Variants in RAPGEF2 observed in about 807,000 individuals in gnomAD.
The protein encoded by RAPGEF2 is PDZ domain containing guanine nucleotide exchange factor (GEF) 1.
RAPGEF2 carries 54 observed loss-of-function variants against 186.7 expected under a neutral mutation model. The ratio of observed to expected loss-of-function variants is 0.29; its 90% CI spans 0.23 to 0.36. The LOEUF is 0.36. Among genes scored for constraint, RAPGEF2 ranks in the 10% least tolerant of loss-of-function variants. RAPGEF2 has a pLI of 1.00. For missense variants in RAPGEF2, 1,532 were observed against 2,045.0 expected, an observed-to-expected ratio of 0.75 and a Z score of 4.84; for synonymous variants, 712 against 705.9, an observed-to-expected ratio of 1.01 and a Z score of -0.14.
chr4:159,280,073 G>A lies in RAPGEF2; in HGVS notation c.544-24269G>A, dbSNP rs75090090. 2.9e-4 allele frequency among the ~76,000 whole-genome samples: 44 copies of A among 152,196 alleles called. No individual in the cohort carries two copies. In the East Asian group the frequency reaches 7.7e-3, roughly 27 times the overall value. ...TTTCCCATCCATATGGTTCGCCAGAGGTCTTTCATGTTATCCTTTTTTTAG... is the reference window on the plus strand; with the variant it reads ...TTTCCCATCCATATGGTTCGCCAGAAGTCTTTCATGTTATCCTTTTTTTAG... On this transcript the variant is annotated intron_variant, in intron 7 of 29. Transcript: ENST00000691494.
intron 7 of RAPGEF2, among the ~76,000 whole-genome samples, chr4:159,296,146 G>GGTT (rs1201022351): frequency 4.6e-5 from 7 of 152,134 alleles, no homozygotes; most frequent in African/African-American, 7.2e-5. Context: ...AGTAAATGAT[G>GGTT]GTTGTTGTAA....
intron 4 of RAPGEF2, among the ~76,000 whole-genome samples, chr4:159,229,769 A>G (rs1210099436): frequency 6.6e-6 from 1 of 152,186 alleles, no homozygotes; most frequent in Non-Finnish European, 1.5e-5. Flanking sequence ...TTTAATGAGA[A>G]TGAAAGTCTG....
chr4:159,170,952 G>T (rs1369712334), intron 1 of RAPGEF2, among the ~76,000 whole-genome samples: 3 of 152,104 alleles, frequency 2.0e-5, no homozygotes, highest in African/African-American at 7.2e-5. Flanking sequence ...TTATTGAAGA[G>T]ACTCTTCTTT....
At chr4:159,223,117 G>T (rs1405767362) in intron 4 of RAPGEF2, among the ~76,000 whole-genome samples, 1 of 151,992 alleles carries the variant, frequency 6.6e-6, no homozygotes, top group Non-Finnish European at 1.5e-5. Context: ...ATGTCATGTG[G>T]TTTTTAAAAG....
At chr4:159,193,416 A>G (rs1748318473) in intron 3 of RAPGEF2, among the ~76,000 whole-genome samples, 160 bp downstream of exon 3, 1 of 152,218 alleles carries the variant, frequency 6.6e-6, no homozygotes, top group South Asian at 2.1e-4. Flanking sequence ...TCATAAAATA[A>G]AAGTTTACAG....
At chr4:159,349,609 G>T (rs1004398049) in intron 25 of RAPGEF2, among the ~76,000 whole-genome samples, 2 of 152,114 alleles carry the variant, frequency 1.3e-5, no homozygotes, top group African/African-American at 4.8e-5. Context: ...TAACTGCATG[G>T]AATTCCTTAG....
At chr4:159,330,679 T>G in intron 13 of RAPGEF2, 181 bp downstream of exon 13, 2 of 518,040 alleles carry the variant, frequency 3.9e-6, no homozygotes, top group South Asian at 6.0e-5. Context: ...TAGTTCAGCC[T>G]TAGAAATATG....
chr4:159,215,909 T>G (rs1157354944), intron 4 of RAPGEF2, among the ~76,000 whole-genome samples: 6 of 152,310 alleles, frequency 3.9e-5, no homozygotes, highest in East Asian at 3.9e-4. Flanking sequence ...AGGCTTCTCA[T>G]GCATGGACTC....
chr4:159,155,852 A>G (rs1160287355), intron 1 of RAPGEF2, among the ~76,000 whole-genome samples: 3 of 151,720 alleles, frequency 2.0e-5, no homozygotes, highest in Non-Finnish European at 4.4e-5. Flanking sequence ...ATTACATCTC[A>G]CAAATTTTGA....
intron 1 of RAPGEF2, among the ~76,000 whole-genome samples, chr4:159,121,688 A>T (rs1304918819): frequency 6.6e-6 from 1 of 151,848 alleles, no homozygotes; most frequent in Non-Finnish European, 1.5e-5. Flanking sequence ...ATTTTTGGAG[A>T]ATTGCCACAA....
chr4:159,314,529 C>T, intron 8 of RAPGEF2, 62 bp from the exon 9 acceptor site: 16 of 1,427,088 alleles, frequency 1.1e-5, no homozygotes, highest in Non-Finnish European at 1.5e-5. Flanking sequence ...GCTCTTGTTT[C>T]TTTGGGCCCC....
chr4:159,335,887 ATT>A (rs1042421973), intron 17 of RAPGEF2, among the ~76,000 whole-genome samples: 2 of 150,246 alleles, frequency 1.3e-5, no homozygotes, highest in African/African-American at 4.9e-5. Context: ...AGATGCTAAT[ATT>A]TGTAGCCTTT....
chr4:159,180,410 GC>G (rs1746890819), intron 1 of RAPGEF2, among the ~76,000 whole-genome samples: 1 of 151,996 alleles, frequency 6.6e-6, no homozygotes, highest in South Asian at 2.1e-4. Flanking sequence ...CTTATGTGTT[GC>G]CTGCCACTCC....
chr4:159,358,213 C>T lies in RAPGEF2; in HGVS notation c.*74C>T. On this transcript the variant is annotated 3_prime_UTR_variant, in exon 30 of 30. Coordinates refer to ENST00000691494, the MANE Select transcript of RAPGEF2 (RefSeq NM_001394067.2). Reference sequence around the variant, plus strand: ...AAGAAGACGTCCTGAGCATTGGAGCCTTGGAACTCACATTCTGAGGACGGT... The same window carrying T: ...AAGAAGACGTCCTGAGCATTGGAGCTTTGGAACTCACATTCTGAGGACGGT... 13 of 1,458,942 alleles carry T rather than the reference C, an allele frequency of 8.9e-6. No individual in the cohort carries two copies. The highest frequency in any genetic ancestry group is 1.1e-5 in the Non-Finnish European group (12 of 1,065,242). The allele number at this position is 1,458,942 out of a possible 1,614,324, so 90.4% of individuals were successfully genotyped here.
At chr4:159,339,634 T>C (rs1767950094) in intron 19 of RAPGEF2, among the ~76,000 whole-genome samples, 1 of 152,206 alleles carries the variant, frequency 6.6e-6, no homozygotes, top group African/African-American at 2.4e-5. Context: ...CTGTAACTTC[T>C]CATGCTTGCC....
intron 4 of RAPGEF2, among the ~76,000 whole-genome samples, chr4:159,215,539 C>T (rs188641806): frequency 2.6e-5 from 4 of 152,262 alleles, no homozygotes; most frequent in Admixed American, 2.6e-4. Context: ...ATGTTGGTCA[C>T]AGTCTTAAAA....
At chr4:159,323,746 T>A in intron 11 of RAPGEF2, 129 bp downstream of exon 11, 2 of 465,860 alleles carry the variant, frequency 4.3e-6, no homozygotes, top group Non-Finnish European at 6.4e-6. Context: ...TGAGACAGAG[T>A]ATTGTTCTGT....
intron 7 of RAPGEF2, among the ~76,000 whole-genome samples, chr4:159,273,452 T>A (rs942828428): frequency 6.6e-6 from 1 of 152,318 alleles, no homozygotes; most frequent in African/African-American, 2.4e-5. Context: ...CTCATATCTT[T>A]GCCTTTAAAT....
At chr4:159,326,426 A>G (rs777333840) in intron 11 of RAPGEF2, among the ~76,000 whole-genome samples, 6 of 152,236 alleles carry the variant, frequency 3.9e-5, no homozygotes, top group African/African-American at 1.2e-4. Flanking sequence ...ACAACTTTGC[A>G]TAGGCTTTGC....
Sources: allele counts gnomAD v4.1 joint callset (sites outside exome capture counted in the v4.1 genomes callset), GRCh38; gene constraint gnomAD v4.1.1; transcripts MANE v1.5; gene names NCBI Gene and HGNC (gene_info 2026-07-23, HGNC 2026-07-21).